The following STAG1 variants were observed in gnomAD, a reference collection of about 807,000 sequenced individuals.
STAG1 encodes STAG1 cohesin complex component, also known as cohesin subunit SA-1.
A neutral mutation model predicts 170.9 loss-of-function variants in STAG1; 26 were observed. The ratio of observed to expected loss-of-function variants is 0.15; its 90% CI spans 0.11 to 0.21. The LOEUF (loss-of-function observed/expected upper bound fraction) is 0.21. STAG1 is among the 10% of genes least tolerant of loss of function. The pLI is 1.00. For synonymous variants in STAG1, 514 were observed against 497.7 expected, an observed-to-expected ratio of 1.03 and a Z score of -0.44; for missense variants, 964 against 1,509.5, an observed-to-expected ratio of 0.64 and a Z score of 5.99.
At chr3:136,599,731 C>A (rs568903985) in intron 4 of STAG1, among the ~76,000 whole-genome samples, 2 of 152,244 alleles carry the variant, frequency 1.3e-5, no homozygotes, top group Admixed American at 1.3e-4. Context: ...CCTCTCATGG[C>A]ACCTAAAGCA....
chr3:136,385,017 A>T (rs1460565489), intron 22 of STAG1, among the ~76,000 whole-genome samples: 1 of 152,316 alleles, frequency 6.6e-6, no homozygotes, highest in East Asian at 1.9e-4. Flanking sequence ...GTGAATACAG[A>T]AGAGTAATCT....
chr3:136,625,961 G>A (rs1469448513), intron 2 of STAG1, among the ~76,000 whole-genome samples: 6 of 152,210 alleles, frequency 3.9e-5, no homozygotes, highest in Non-Finnish European at 7.3e-5. Context: ...GCTGAGGCAC[G>A]AGAATCGCTT....
intron 21 of STAG1, among the ~76,000 whole-genome samples, chr3:136,417,165 A>G (rs2087799429): frequency 6.6e-6 from 1 of 152,112 alleles, no homozygotes. Context: ...AATTTTTAAT[A>G]TAAGATTATT....
At chr3:136,689,828 G>A (rs1411875625) in intron 1 of STAG1, among the ~76,000 whole-genome samples, 1 of 151,992 alleles carries the variant, frequency 6.6e-6, no homozygotes, top group Non-Finnish European at 1.5e-5. Flanking sequence ...ATCATATGAA[G>A]TCAGAAGTTC....
chr3:136,649,503 C>CAAAAAAA (rs761067087), intron 1 of STAG1, among the ~76,000 whole-genome samples: 67 of 70,588 alleles, frequency 9.5e-4, no homozygotes, highest in African/African-American at 1.8e-3. Context: ...AAAACAGAAA[C>CAAAAAAA]AAAAAAAAAA....
At chr3:136,616,929 A>C (rs1218646230) in intron 3 of STAG1, among the ~76,000 whole-genome samples, 1 of 152,226 alleles carries the variant, frequency 6.6e-6, no homozygotes, top group Non-Finnish European at 1.5e-5. Context: ...GAAAAGACTT[A>C]ACCATTATAA....
rs200153038 is a variant in STAG1 at position 136,477,431 on chromosome 3, G to T, written c.903-19C>A. 3 of 1,582,994 alleles carry T rather than the reference G, an allele frequency of 1.9e-6. No individual in the cohort carries two copies. ...AGCATCACTAGAGAGAGAAAAAAAA[G>T]ACAATCTCAAATTAATATACAAAGC... is the stretch of plus-strand genomic sequence containing the variant. On this transcript the variant is annotated intron_variant, in intron 9 of 33. Transcript: ENST00000383202.
intron 14 of STAG1, among the ~76,000 whole-genome samples, chr3:136,443,877 T>C (rs1284668334): frequency 1.3e-5 from 2 of 152,184 alleles, no homozygotes; most frequent in Non-Finnish European, 2.9e-5. Flanking sequence ...AGTTACTCCA[T>C]CTCTCCACTA....
chr3:136,730,054 A>G (rs552547100), intron 1 of STAG1, among the ~76,000 whole-genome samples: 53 of 151,810 alleles, frequency 3.5e-4, no homozygotes, highest in Non-Finnish European at 8.8e-5. Flanking sequence ...ACGCCCGGCT[A>G]ATTGTGGTTA....
intron 1 of STAG1, among the ~76,000 whole-genome samples, chr3:136,728,386 T>A (rs545580607): frequency 6.6e-6 from 1 of 152,128 alleles, no homozygotes. Context: ...GGGAAAATGA[T>A]AAAGAAGTAT....
At chr3:136,551,889 C>G (rs1936422556) in intron 5 of STAG1, among the ~76,000 whole-genome samples, 1 of 152,050 alleles carries the variant, frequency 6.6e-6, no homozygotes, top group South Asian at 2.1e-4. Context: ...GCCACTGTGC[C>G]TGGCCTACTT....
In STAG1 at chr3:136,336,413, T is replaced by G. The variant is rs1440261550; in HGVS notation, c.*1841A>C. 1 of 152,106 alleles carries G rather than the reference T, an allele frequency of 6.6e-6. No individual in the cohort carries two copies. The highest frequency in any genetic ancestry group is 1.9e-4 in the East Asian group (1 of 5,176). The allele number at this position is 152,106 out of a possible 1,614,324, so 9.4% of individuals were successfully genotyped here. ...AAACTGAACTGGAAACCCATTGGAG[T>G]AGATATTTAGCCTTTTTGTGTGGCA... On this transcript the variant is annotated 3_prime_UTR_variant, in exon 34 of 34. Coordinates refer to ENST00000383202, the MANE Select transcript of STAG1 (RefSeq NM_005862.3).
intron 1 of STAG1, among the ~76,000 whole-genome samples, chr3:136,717,070 G>A (rs956343598): frequency 6.6e-6 from 1 of 152,156 alleles, no homozygotes; most frequent in Non-Finnish European, 1.5e-5. Flanking sequence ...ACACTTAATC[G>A]TTTTTGTCTG....
chr3:136,339,357 T>A (rs1338551522), intron 32 of STAG1, among the ~76,000 whole-genome samples: 1 of 152,194 alleles, frequency 6.6e-6, no homozygotes. Flanking sequence ...ACCCCGTCTC[T>A]ACTAAAAATA....
chr3:136,702,955 C>A, intron 1 of STAG1, among the ~76,000 whole-genome samples: 1 of 151,092 alleles, frequency 6.6e-6, no homozygotes, highest in Admixed American at 6.6e-5. Flanking sequence ...GTAATCCCAG[C>A]TACTCAGGAG....
intron 1 of STAG1, among the ~76,000 whole-genome samples, chr3:136,651,668 C>A (rs1260234804): frequency 6.6e-6 from 1 of 151,662 alleles, no homozygotes; most frequent in African/African-American, 2.4e-5. Context: ...AGATATAAAC[C>A]AATAGTCTTA....
At chr3:136,626,775 G>C (rs774486695) in intron 2 of STAG1, among the ~76,000 whole-genome samples, 9 of 152,168 alleles carry the variant, frequency 5.9e-5, no homozygotes, top group East Asian at 1.9e-4. Context: ...CAAAAACCTT[G>C]TAAGAAGCAT....
chr3:136,701,787 G>C (rs1005541766), intron 1 of STAG1, among the ~76,000 whole-genome samples: 1 of 151,940 alleles, frequency 6.6e-6, no homozygotes, highest in Non-Finnish European at 1.5e-5. Flanking sequence ...TTCTTTATAG[G>C]CACTGAAACT....
intron 26 of STAG1, among the ~76,000 whole-genome samples, chr3:136,362,511 T>C (rs1576390429): frequency 6.9e-6 from 1 of 145,960 alleles, no homozygotes; most frequent in Non-Finnish European, 1.5e-5. Flanking sequence ...CTTATGTCTA[T>C]AATCCCAGCA....
Sources: gnomAD v4.1 joint callset for allele counts (sites outside exome capture counted in the v4.1 genomes callset) on GRCh38, gnomAD v4.1.1 for gene constraint, MANE v1.5 for transcripts, NCBI Gene and HGNC (gene_info 2026-07-23, HGNC 2026-07-21) for gene names.